PTK2: variants seen among roughly 807,000 people sequenced by gnomAD.
The protein encoded by PTK2 is focal adhesion kinase 1.
In PTK2, 45 loss-of-function variants were observed where a neutral mutation model predicts 150.1. That is an observed-to-expected ratio of 0.30 (90% CI 0.24 to 0.38). The LOEUF (loss-of-function observed/expected upper bound fraction) is 0.38. Among genes scored for constraint, PTK2 ranks in the 10% least tolerant of loss-of-function variants. The pLI is 1.00. For missense variants in PTK2, 919 were observed against 1,307.3 expected (o/e 0.70, Z 4.58); for synonymous variants, 432 against 449.2 (o/e 0.96, Z 0.48).
chr8:140,686,193 A>G (rs1167943989), intron 27 of PTK2, among the ~76,000 whole-genome samples: 2 of 152,170 alleles, frequency 1.3e-5, no homozygotes, highest in Non-Finnish European at 2.9e-5. Flanking sequence ...AACACTCAGT[A>G]CACACGGACA....
At chr8:140,697,529 C>T (rs1442526696) in intron 26 of PTK2, among the ~76,000 whole-genome samples, 1 of 151,984 alleles carries the variant, frequency 6.6e-6, no homozygotes, top group Non-Finnish European at 1.5e-5. Flanking sequence ...CAACCTCCGC[C>T]TCCCGGGTTC....
intron 1 of PTK2, among the ~76,000 whole-genome samples, chr8:140,942,558 T>C (rs2100176186): frequency 1.3e-5 from 2 of 152,164 alleles, no homozygotes; most frequent in African/African-American, 2.4e-5. Flanking sequence ...TCAACTTTGG[T>C]GGTACCTAAT....
intron 24 of PTK2, among the ~76,000 whole-genome samples, chr8:140,705,084 T>C (rs1355697702): frequency 6.6e-6 from 1 of 152,138 alleles, no homozygotes; most frequent in Non-Finnish European, 1.5e-5. Flanking sequence ...AAGCTATTCT[T>C]GGGCTCCAGA....
chr8:140,884,796 CCA>C (rs1481672821), intron 3 of PTK2, among the ~76,000 whole-genome samples: 1 of 152,202 alleles, frequency 6.6e-6, no homozygotes, highest in Non-Finnish European at 1.5e-5. Context: ...CTTCCCATTA[CCA>C]GTCTTCCCAC....
At chr8:140,842,164 ATGG>A (rs1397920433) in intron 7 of PTK2, among the ~76,000 whole-genome samples, 4 of 152,090 alleles carry the variant, frequency 2.6e-5, no homozygotes, top group Non-Finnish European at 5.9e-5. Context: ...TAAAACTATG[ATGG>A]TGGTTATCAG....
At chr8:140,676,813 C>A (rs1383279497) in intron 27 of PTK2, among the ~76,000 whole-genome samples, 1 of 138,422 alleles carries the variant, frequency 7.2e-6, no homozygotes, top group African/African-American at 2.8e-5. Context: ...TGGTGTGTGC[C>A]CGTAATCCCA....
chr8:140,732,691 G>C (rs1201657997), intron 22 of PTK2: 2 of 419,412 alleles, frequency 4.8e-6, no homozygotes, highest in East Asian at 8.2e-5. Flanking sequence ...ACTAGCACCA[G>C]GCTCAGCTAC....
chr8:140,873,123 G>C (rs187074486), intron 4 of PTK2, among the ~76,000 whole-genome samples: 9 of 152,326 alleles, frequency 5.9e-5, no homozygotes, highest in African/African-American at 1.9e-4. Context: ...CTCTGAAAGA[G>C]AGAACTTGAA....
intron 2 of PTK2, among the ~76,000 whole-genome samples, chr8:140,912,269 C>G (rs890410397): frequency 6.6e-6 from 1 of 150,424 alleles, no homozygotes. Context: ...AACAAAAAAA[C>G]AAAAAAATCA....
chr8:140,675,327 A>G, intron 28 of PTK2, 133 bp downstream of exon 31: 1 of 926,850 alleles, frequency 1.1e-6, no homozygotes, highest in East Asian at 2.6e-5. Flanking sequence ...TGTGGTAAAC[A>G]TCGTACTTGC....
intron 17 of PTK2, among the ~76,000 whole-genome samples, chr8:140,748,000 A>C (rs1302690131): frequency 6.6e-6 from 1 of 152,118 alleles, no homozygotes; most frequent in African/African-American, 2.4e-5. Context: ...AATGGGATTA[A>C]AAATACCTGG....
chr8:140,921,194 T>A (rs1338691783), intron 2 of PTK2: 3 of 1,014,524 alleles, frequency 3.0e-6, no homozygotes, highest in African/African-American at 1.7e-5. Context: ...AGCTTAGTAA[T>A]GTGACCCCAT....
chr8:140,815,166 G>C (rs1332629140), intron 10 of PTK2, among the ~76,000 whole-genome samples: 1 of 151,596 alleles, frequency 6.6e-6, no homozygotes, highest in African/African-American at 2.4e-5. Context: ...AATGCCCATC[G>C]ATGGTAGACT....
intron 8 of PTK2, 115 bp downstream of exon 8, chr8:140,830,357 A>AT (rs2100114660): frequency 1.5e-6 from 1 of 658,372 alleles, no homozygotes; most frequent in Non-Finnish European, 2.6e-6. Context: ...TAAATTATAT[A>AT]TTTTACATGT....
At chr8:140,896,408 A>G (rs1052216838) in intron 2 of PTK2, among the ~76,000 whole-genome samples, 2 of 152,226 alleles carry the variant, frequency 1.3e-5, no homozygotes, top group Non-Finnish European at 2.9e-5. Context: ...AGTATAATCC[A>G]GCAATATTTT....
In PTK2 at chr8:140,795,328, C is replaced by T. The variant is rs189022852; in HGVS notation, c.1094-1944G>A. On this transcript the variant is annotated intron_variant, in intron 12 of 31. Coordinates refer to ENST00000522684, the Ensembl canonical transcript of PTK2. ...CCCTTACAATGCCTTTACATCCTGA[C>T]CAGCCACTGGCCCTGGGATCACCCC... Among the ~76,000 whole-genome samples the T allele has an allele frequency of 1.1e-3, 161 of 152,312 alleles. No individual in the cohort carries two copies. In the South Asian group the frequency reaches 0.015, roughly 14 times the overall value.
chr8:140,716,592 T>C (rs1480449050), intron 23 of PTK2, among the ~76,000 whole-genome samples: 1 of 152,208 alleles, frequency 6.6e-6, no homozygotes, highest in Non-Finnish European at 1.5e-5. Context: ...CAGTGTACGT[T>C]TACTGTTACA....
chr8:140,914,315 T>A (rs1357632282), intron 2 of PTK2, among the ~76,000 whole-genome samples: 1 of 151,980 alleles, frequency 6.6e-6, no homozygotes, highest in Admixed American at 6.6e-5. Context: ...GAATTTACAA[T>A]AAATTCCTTG....
At chr8:140,754,109 G>A (rs1156983044) in intron 16 of PTK2, among the ~76,000 whole-genome samples, 1 of 152,214 alleles carries the variant, frequency 6.6e-6, no homozygotes, top group Non-Finnish European at 1.5e-5. Context: ...TGAATGGTAA[G>A]AGAACTGTAT....
Sources: allele counts gnomAD v4.1 joint callset (sites outside exome capture counted in the v4.1 genomes callset), GRCh38; gene constraint gnomAD v4.1.1; transcripts MANE v1.5; gene names NCBI Gene and HGNC (gene_info 2026-07-23, HGNC 2026-07-21).